FN1: variants seen among roughly 807,000 people sequenced by gnomAD.
The protein encoded by FN1 is fibronectin 1.
A neutral mutation model predicts 297.3 loss-of-function variants in FN1; 106 were observed. That is an observed-to-expected ratio of 0.36 (90% CI 0.30 to 0.42). The LOEUF (loss-of-function observed/expected upper bound fraction) is 0.42. Ranked by LOEUF, FN1 falls within the 10% of genes least tolerant of loss-of-function variation. FN1 has a pLI of 1.00. For synonymous variants in FN1, 1,149 were observed against 1,152.6 expected (o/e 1.00, Z 0.06); for missense variants, 2,690 against 3,124.9 (o/e 0.86, Z 3.32).
chr2:215,433,468 G>A lies in FN1; in HGVS notation c.278-7C>T. The A allele has an allele frequency of 6.2e-7, 1 of 1,613,464 alleles. No homozygotes were observed. Among genetic ancestry groups the A allele is most frequent in the South Asian group, 1.1e-5 (1 of 91,024 alleles). ...TCAAAGCAAGTCTCTTCAGCTGAGG[G>A]GAAAAGGAAAGTCCATGTGAGCCTC... is the stretch of plus-strand genomic sequence containing the variant. On this transcript the variant is annotated splice_region_variant and splice_polypyrimidine_tract_variant and intron_variant, in intron 2 of 45. Transcript: ENST00000354785.
chr2:215,382,261 A>C lies in FN1; in HGVS notation c.5115T>G (p.Ala1705=), dbSNP rs777157694. 4.3e-6 allele frequency: 7 copies of C among 1,613,898 alleles called. No individual in the cohort carries two copies. The highest frequency in any genetic ancestry group is 1.3e-5 in the African/African-American group (1 of 74,912). ...PTVEYVVSVY[A]QNPSGESQPL... ...GCTGACTCTCTCCGCTTGGATTCTG[A>C]GCATAGACACTAACCACATACTCCA... is the stretch of plus-strand genomic sequence containing the variant. The change falls in exon 32 of 46, where the codon GCT becomes GCG. Residue 1705 remains alanine, a synonymous_variant. Coordinates refer to ENST00000354785, the MANE Select transcript of FN1 (RefSeq NM_212482.4).
chr2:215,382,142 G>T, intron 32 of FN1, 70 bp downstream of exon 32: 1 of 899,932 alleles, frequency 1.1e-6, no homozygotes, highest in Non-Finnish European at 1.9e-6. Context: ...CAAAAGACAT[G>T]TCGTGGGCAT....
Position 215,409,740 on chromosome 2 carries a change from C to G in FN1, c.2123-1G>C. The G allele has an allele frequency of 6.2e-7, 1 of 1,614,050 alleles. No homozygotes were observed. The highest frequency in any genetic ancestry group is 8.5e-7 in the Non-Finnish European group (1 of 1,179,986). ...GTCGTCTCTCCTGTCACGGTGTTGC[C>G]TAGAGAGTCACAGAAAGGGGAAAGT... On this transcript the variant is annotated splice_acceptor_variant, in intron 14 of 45. Transcript: ENST00000354785. LOFTEE classifies it high-confidence loss of function.
At chr2:215,393,421 T>G in intron 24 of FN1, 1 of 258,850 alleles carries the variant, frequency 3.9e-6, no homozygotes, top group Non-Finnish European at 6.6e-6. Context: ...GAATATTCTT[T>G]TAGGGAATAT....
rs759008490 is a variant in FN1 at position 215,394,737 on chromosome 2, G to A, written c.3605-18C>T. 6 of 1,597,208 alleles carry A rather than the reference G, an allele frequency of 3.8e-6. No individual in the cohort carries two copies. The highest frequency in any genetic ancestry group is 5.2e-6 in the Non-Finnish European group (6 of 1,164,954). ...AGTAATGTCTGGAGAAAAAAGAAAAGGGAAGTTATTGCACAGAGGATCTGT... is the reference window on the plus strand; with the variant it reads ...AGTAATGTCTGGAGAAAAAAGAAAAAGGAAGTTATTGCACAGAGGATCTGT... On this transcript the variant is annotated intron_variant, in intron 23 of 45. Coordinates refer to ENST00000354785, the MANE Select transcript of FN1 (RefSeq NM_212482.4).
rs1559473996 is a variant in FN1 at position 215,401,197 on chromosome 2, GAAAAGAAAGAAAGAAAGAAA to G, written c.3254-1866_3254-1847del. Reference sequence around the variant, plus strand: ...AGAGAGAGAGTGAGAGAGAAAGAAAGAAAAGAAAGAAAGAAAGAAAGAAAGAAAGAAAGAAAGAAAGAAAG... The same window carrying G: ...AGAGAGAGAGTGAGAGAGAAAGAAAGGAAAGAAAGAAAGAAAGAAAGAAAG... On this transcript the variant is annotated intron_variant, in intron 20 of 45. Coordinates refer to ENST00000354785, the MANE Select transcript of FN1 (RefSeq NM_212482.4). Among the ~76,000 whole-genome samples, 49 of 77,662 alleles carry G rather than the reference GAAAAGAAAGAAAGAAAGAAA, an allele frequency of 6.3e-4. 2 individuals are homozygous for G. Among genetic ancestry groups the G allele is most frequent in the African/African-American group, 2.9e-3 (45 of 15,634 alleles). The allele number at this position is 77,662 out of a possible 152,430, so 50.9% of individuals were successfully genotyped here. A position where few individuals can be genotyped will look rare whatever the true frequency, so the allele number is the denominator to read the frequency against.
chr2:215,435,108 A>G (rs2067230338), intron 1 of FN1, among the ~76,000 whole-genome samples: 1 of 152,222 alleles, frequency 6.6e-6, no homozygotes, highest in African/African-American at 2.4e-5. Flanking sequence ...TTCTCAAAGC[A>G]AAAGGAGGGT....
chr2:215,426,592 C>T (rs2065481604), intron 6 of FN1, among the ~76,000 whole-genome samples: 1 of 152,100 alleles, frequency 6.6e-6, no homozygotes, highest in African/African-American at 2.4e-5. Flanking sequence ...CAAAGATGTT[C>T]ACAGACAAAG....
intron 17 of FN1, 123 bp from the exon 18 acceptor site, chr2:215,407,444 A>T: frequency 1.2e-6 from 1 of 812,782 alleles, no homozygotes. Context: ...AGAGCCAGTG[A>T]TACTTTTTGA....
intron 20 of FN1, 132 bp downstream of exon 20, chr2:215,404,257 T>G: frequency 1.0e-6 from 1 of 965,454 alleles, no homozygotes; most frequent in East Asian, 2.6e-5. Context: ...ATGGAGCACA[T>G]TTTTAGTATC....
chr2:215,375,139 G>T (rs566435970), intron 38 of FN1, 75 bp downstream of exon 38: 3 of 1,367,554 alleles, frequency 2.2e-6, no homozygotes, highest in African/African-American at 1.4e-5. Flanking sequence ...TATCAAAGAC[G>T]CTGTGGGAGT....
intron 1 of FN1, among the ~76,000 whole-genome samples, chr2:215,435,333 G>A (rs1475378538): frequency 1.3e-5 from 2 of 152,120 alleles, no homozygotes; most frequent in Non-Finnish European, 2.9e-5. Context: ...AATCCCAGAC[G>A]GAAAATTTAT....
chr2:215,430,887 A>G (rs1311452211), intron 4 of FN1, 35 bp from the exon 5 acceptor site: 1 of 1,611,318 alleles, frequency 6.2e-7, no homozygotes, highest in African/African-American at 1.3e-5. Flanking sequence ...CAGGAAAAAA[A>G]GGTTATTTTG....
Position 215,367,626 on chromosome 2 carries a change from T to C in FN1, c.7018+237A>G, listed in dbSNP as rs1575199697. 6 of 542,708 alleles carry C rather than the reference T, an allele frequency of 1.1e-5. No individual in the cohort carries two copies. The East Asian group carries it at 1.6e-4, about 15-fold the overall frequency. The allele number at this position is 542,708 out of a possible 1,614,324, so 33.6% of individuals were successfully genotyped here. A position where few individuals can be genotyped will look rare whatever the true frequency, so the allele number is the denominator to read the frequency against. ...AAATCAAATTAGCACCATAATCTTA[T>C]GTGTAATTAATAGTTGTATTGGCAT... is the stretch of plus-strand genomic sequence containing the variant. On this transcript the variant is annotated intron_variant, in intron 42 of 45. Coordinates refer to ENST00000354785, the MANE Select transcript of FN1 (RefSeq NM_212482.4).
chr2:215,386,973 C>CG lies in FN1; in HGVS notation c.4343-16dup, dbSNP rs1352559943. The CG allele has an allele frequency of 3.7e-6, 6 of 1,603,788 alleles. No individual in the cohort carries two copies. In the African/African-American group the frequency reaches 8.1e-5, roughly 22 times the overall value. On this transcript the variant is annotated splice_polypyrimidine_tract_variant and intron_variant, in intron 27 of 45. Transcript: ENST00000354785. Reference sequence around the variant, plus strand: ...GGAATCAAGACCTGTTTTTCCCACCCGGGGGAGGAAGAGAAAAAAAAAAGA... The same window carrying CG: ...GGAATCAAGACCTGTTTTTCCCACCCGGGGGGAGGAAGAGAAAAAAAAAAGA...
intron 12 of FN1, among the ~76,000 whole-genome samples, chr2:215,415,459 A>G (rs892554760): frequency 6.6e-6 from 1 of 152,202 alleles, no homozygotes; most frequent in African/African-American, 2.4e-5. Flanking sequence ...ACATTTCTAA[A>G]TGGGGGTAGA....
rs1222218314 is a variant in FN1 at position 215,391,768 on chromosome 2, G to A, written c.4116C>T (p.Asp1372=). The stretch of plus-strand genomic sequence containing the variant: ...GTGGAGCCCAGGTGACACGCATGGT[G>A]TCTGGACCAATGTTGGTGAATCGCA... The part of the protein sequence containing the change: ...TDLRFTNIGP[D]TMRVTWAPPP... Residue 1372 remains aspartate, a synonymous_variant, in exon 26 of 46, where the codon GAC becomes GAT. Coordinates refer to ENST00000354785, the MANE Select transcript of FN1 (RefSeq NM_212482.4). 2 of 1,614,200 alleles carry A rather than the reference G, an allele frequency of 1.2e-6. No individual in the cohort carries two copies. Among genetic ancestry groups the A allele is most frequent in the Non-Finnish European group, 1.7e-6 (2 of 1,180,022 alleles).
chr2:215,394,688 A>T lies in FN1; in HGVS notation c.3636T>A (p.Pro1212=), dbSNP rs1445450002. ...DITGYRITTT[P]TNGQQGNSLE... ...AAGAATTTCCCTGCTGGCCGTTTGT[A>T]GGGGTTGTGGTAATTCTATAACCAG... Residue 1212 remains proline, a synonymous_variant, in exon 24 of 46, where the codon CCT becomes CCA. Transcript: ENST00000354785. The T allele has an allele frequency of 6.2e-7, 1 of 1,613,942 alleles. No homozygotes were observed. Among genetic ancestry groups the T allele is most frequent in the African/African-American group, 1.3e-5 (1 of 74,886 alleles).
chr2:215,407,416 A>G, intron 17 of FN1, 95 bp from the exon 18 acceptor site: 1 of 1,027,606 alleles, frequency 9.7e-7, no homozygotes, highest in Non-Finnish European at 1.5e-6. Flanking sequence ...ATCCCTTAGC[A>G]TCTTGCTTGA....
Sources: gnomAD v4.1 joint callset for allele counts (sites outside exome capture counted in the v4.1 genomes callset) on GRCh38, gnomAD v4.1.1 for gene constraint, MANE v1.5 for transcripts, NCBI Gene and HGNC (gene_info 2026-07-23, HGNC 2026-07-21) for gene names.